LRP1B: variants seen among roughly 807,000 people sequenced by gnomAD.
LRP1B encodes LDL receptor related protein 1B.
A neutral mutation model predicts 556.6 loss-of-function variants in LRP1B; 217 were observed. That is an observed-to-expected ratio of 0.39 (90% CI 0.35 to 0.44). The LOEUF is 0.44. Among genes scored for constraint, LRP1B ranks in the 20% least tolerant of loss-of-function variants. LRP1B has a pLI of 1.00. For synonymous variants in LRP1B, 2,047 were observed against 1,865.8 expected (o/e 1.10, Z -2.50); for missense variants, 5,053 against 5,620.8 (o/e 0.90, Z 3.23).
At chr2:141,242,382 T>TTC (rs967746784) in intron 5 of LRP1B, among the ~76,000 whole-genome samples, 1 of 151,992 alleles carries the variant, frequency 6.6e-6, no homozygotes, top group Non-Finnish European at 1.5e-5. Flanking sequence ...GTTTATTTTT[T>TTC]TCTCTCTCTC....
chr2:140,935,570 A>C (rs894573171), intron 20 of LRP1B, among the ~76,000 whole-genome samples: 1 of 152,072 alleles, frequency 6.6e-6, no homozygotes, highest in African/African-American at 2.4e-5. Context: ...AGCAATATAT[A>C]AATTTTCCAG....
At chr2:141,853,010 A>G (rs925125038) in intron 1 of LRP1B, among the ~76,000 whole-genome samples, 3 of 151,732 alleles carry the variant, frequency 2.0e-5, no homozygotes, top group African/African-American at 7.2e-5. Flanking sequence ...GGAAATAAAG[A>G]AAAACAATAT....
At chr2:141,027,825 A>G (rs1334844336) in intron 11 of LRP1B, among the ~76,000 whole-genome samples, 1 of 152,096 alleles carries the variant, frequency 6.6e-6, no homozygotes, top group African/African-American at 2.4e-5. Context: ...TTATAAGAAG[A>G]GACCAGAGAG....
chr2:140,257,852 C>T (rs1278703808), intron 86 of LRP1B, among the ~76,000 whole-genome samples: 5 of 152,152 alleles, frequency 3.3e-5, no homozygotes, highest in African/African-American at 1.2e-4. Flanking sequence ...TGAAATCACT[C>T]ATGACAACTT....
At chr2:142,010,945 A>T (rs1348256811) in intron 1 of LRP1B, among the ~76,000 whole-genome samples, 1 of 152,206 alleles carries the variant, frequency 6.6e-6, no homozygotes, top group Non-Finnish European at 1.5e-5. Context: ...TGCTATCTTA[A>T]TTACGACTCC....
intron 6 of LRP1B, among the ~76,000 whole-genome samples, chr2:141,201,876 A>T (rs1275265353): frequency 1.3e-5 from 2 of 152,206 alleles, no homozygotes; most frequent in African/African-American, 4.8e-5. Flanking sequence ...TGTTAAAAGA[A>T]ATTGCAACCA....
At chr2:141,246,984 AAAGGAAGG>A (rs772433945) in intron 5 of LRP1B, among the ~76,000 whole-genome samples, 3 of 152,014 alleles carry the variant, frequency 2.0e-5, no homozygotes, top group African/African-American at 7.2e-5. Context: ...GAAAAAAAAG[AAAGGAAGG>A]AAGGAAGGAA....
chr2:141,457,741 G>A (rs768012863), intron 3 of LRP1B, among the ~76,000 whole-genome samples: 2 of 152,246 alleles, frequency 1.3e-5, no homozygotes, highest in Non-Finnish European at 2.9e-5. Context: ...AAGTGTCGGG[G>A]GCAAGGAGGT....
intron 18 of LRP1B, among the ~76,000 whole-genome samples, chr2:140,957,314 G>A (rs918758100): frequency 1.3e-5 from 2 of 151,498 alleles, no homozygotes; most frequent in South Asian, 2.1e-4. Flanking sequence ...ATGACGGCCC[G>A]GAAGTGAGGG....
intron 23 of LRP1B, among the ~76,000 whole-genome samples, chr2:140,901,917 T>C (rs901576752): frequency 1.2e-4 from 19 of 152,120 alleles, no homozygotes; most frequent in African/African-American, 3.6e-4. Context: ...AATAATAAGA[T>C]CCAGCAGTGG....
intron 1 of LRP1B, among the ~76,000 whole-genome samples, chr2:141,857,204 T>C (rs1271347026): frequency 1.3e-5 from 2 of 152,160 alleles, no homozygotes; most frequent in Non-Finnish European, 2.9e-5. Flanking sequence ...ATTTCTTCTT[T>C]TTTAGCTTCC....
chr2:140,875,723 T>C (rs911403232), intron 25 of LRP1B, among the ~76,000 whole-genome samples: 1 of 150,886 alleles, frequency 6.6e-6, no homozygotes, highest in Non-Finnish European at 1.5e-5. Context: ...ATTTGGCTTA[T>C]TTGTTATAAA....
chr2:142,116,539 A>G (rs1707282932), intron 1 of LRP1B, among the ~76,000 whole-genome samples: 1 of 152,082 alleles, frequency 6.6e-6, no homozygotes, highest in South Asian at 2.1e-4. Context: ...TTGGGATAGA[A>G]GGTCATTAGT....
rs1175748158 is a variant in LRP1B at position 141,074,175 on chromosome 2, C to T, written c.1014-11902G>A. Among the ~76,000 whole-genome samples the T allele has an allele frequency of 2.0e-5, 3 of 151,968 alleles. No individual in the cohort carries two copies. In the East Asian group the frequency reaches 5.8e-4, roughly 29 times the overall value. ...TGATGCTCTTCTCTATTTCTAGTAC[C>T]TTGGCTGTCTTTCTGTTCCTTAAAA... On this transcript the variant is annotated intron_variant, in intron 7 of 90. Coordinates refer to ENST00000389484, the MANE Select transcript of LRP1B (RefSeq NM_018557.3).
At chr2:140,933,484 G>T (rs866903544) in intron 20 of LRP1B, among the ~76,000 whole-genome samples, 1 of 151,978 alleles carries the variant, frequency 6.6e-6, no homozygotes, top group African/African-American at 2.4e-5. Context: ...CATAACTTGA[G>T]AATAGGGAAC....
intron 3 of LRP1B, among the ~76,000 whole-genome samples, chr2:141,419,084 T>A (rs527615766): frequency 6.6e-6 from 1 of 152,110 alleles, no homozygotes; most frequent in Non-Finnish European, 1.5e-5. Flanking sequence ...CCAATTTGAA[T>A]GTCTTTTATT....
intron 7 of LRP1B, among the ~76,000 whole-genome samples, chr2:141,076,050 AGG>A (rs1383491467): frequency 6.6e-6 from 1 of 152,210 alleles, no homozygotes; most frequent in Non-Finnish European, 1.5e-5. Flanking sequence ...CCTTGCTGTG[AGG>A]GGCAGATGTA....
intron 7 of LRP1B, among the ~76,000 whole-genome samples, chr2:141,079,268 A>G (rs1699867404): frequency 6.6e-6 from 1 of 152,200 alleles, no homozygotes; most frequent in Admixed American, 6.5e-5. Context: ...TCTATAGCAC[A>G]CAAAACATTT....
intron 43 of LRP1B, among the ~76,000 whole-genome samples, chr2:140,576,140 A>G (rs1023755383): frequency 6.6e-6 from 1 of 152,098 alleles, no homozygotes; most frequent in African/African-American, 2.4e-5. Flanking sequence ...CTTCCATCAT[A>G]TTATAATAAA....
Sources: allele counts gnomAD v4.1 joint callset (sites outside exome capture counted in the v4.1 genomes callset), GRCh38; gene constraint gnomAD v4.1.1; transcripts MANE v1.5; gene names NCBI Gene and HGNC (gene_info 2026-07-23, HGNC 2026-07-21).